Variants in ZC3H8 observed in about 807,000 individuals in gnomAD.
ZC3H8 encodes the protein zinc finger CCCH domain-containing protein 8.
Under a neutral mutation model 42.5 loss-of-function variants are expected in ZC3H8, and 27 were observed. That is an observed-to-expected ratio of 0.64 (90% CI 0.47 to 0.88). The LOEUF (loss-of-function observed/expected upper bound fraction) is 0.88. Ranked by LOEUF, ZC3H8 falls within the 40% of genes least tolerant of loss-of-function variation. ZC3H8 has a pLI of 0.00. For missense variants in ZC3H8, 277 were observed against 336.1 expected, an observed-to-expected ratio of 0.82 and a Z score of 1.37; for synonymous variants, 101 against 110.1, an observed-to-expected ratio of 0.92 and a Z score of 0.52.
At chr2:112,229,538 C>A (rs895509173) in intron 8 of ZC3H8, among the ~76,000 whole-genome samples, 1 of 152,158 alleles carries the variant, frequency 6.6e-6, no homozygotes, top group African/African-American at 2.4e-5. Context: ...ATGAGAAGAA[C>A]ATGCCCTAGC....
intron 2 of ZC3H8, among the ~76,000 whole-genome samples, chr2:112,248,995 G>C (rs1483569598): frequency 6.6e-6 from 1 of 152,054 alleles, no homozygotes; most frequent in Non-Finnish European, 1.5e-5. Flanking sequence ...AGGAGTTCGA[G>C]ACCAGCCTGG....
At chr2:112,226,951 T>C (rs562574602) in intron 8 of ZC3H8, among the ~76,000 whole-genome samples, 7 of 152,304 alleles carry the variant, frequency 4.6e-5, no homozygotes, top group South Asian at 4.1e-4. Flanking sequence ...AAAAATTATA[T>C]GGTCATCTCA....
At chr2:112,241,446 C>G (rs537062160) in intron 2 of ZC3H8, among the ~76,000 whole-genome samples, 23 of 152,264 alleles carry the variant, frequency 1.5e-4, no homozygotes, top group East Asian at 3.9e-4. Context: ...GAGACCCCCC[C>G]CTCAAGGGCC....
At chr2:112,243,943 A>C (rs1291772477) in intron 2 of ZC3H8, among the ~76,000 whole-genome samples, 2 of 152,094 alleles carry the variant, frequency 1.3e-5, no homozygotes, top group East Asian at 3.8e-4. Context: ...TATCAAAACA[A>C]GAATAAGATC....
At chr2:112,220,141 A>G (rs1684520868) in intron 8 of ZC3H8, among the ~76,000 whole-genome samples, 2 of 152,238 alleles carry the variant, frequency 1.3e-5, no homozygotes, top group African/African-American at 4.8e-5. Flanking sequence ...TGTGTAGCCT[A>G]TTTACATTCA....
At chr2:112,224,188 T>C (rs1372030718) in intron 8 of ZC3H8, among the ~76,000 whole-genome samples, 2 of 152,182 alleles carry the variant, frequency 1.3e-5, no homozygotes, top group African/African-American at 4.8e-5. Flanking sequence ...ATTTGAAAAC[T>C]TCACATTTAT....
At chr2:112,244,029 AAAAAAT>A (rs889401650) in intron 2 of ZC3H8, among the ~76,000 whole-genome samples, 4 of 151,600 alleles carry the variant, frequency 2.6e-5, no homozygotes, top group African/African-American at 9.7e-5. Context: ...GAAAAAAGAT[AAAAAAT>A]AAGAGATATG....
intron 8 of ZC3H8, among the ~76,000 whole-genome samples, chr2:112,224,232 G>C (rs1221486243): frequency 1.3e-5 from 2 of 152,082 alleles, no homozygotes; most frequent in Admixed American, 1.3e-4. Flanking sequence ...GGAACGTAAG[G>C]GTGGTTTAGT....
intron 8 of ZC3H8, among the ~76,000 whole-genome samples, chr2:112,225,382 G>T (rs1204655003): frequency 6.6e-6 from 1 of 152,256 alleles, no homozygotes; most frequent in East Asian, 1.9e-4. Flanking sequence ...GGAGGCTTAG[G>T]TAGAAGGATT....
At chr2:112,250,599 G>A (rs1280721426) in intron 1 of ZC3H8, among the ~76,000 whole-genome samples, 1 of 152,168 alleles carries the variant, frequency 6.6e-6, no homozygotes, top group African/African-American at 2.4e-5. Flanking sequence ...CGGGCCTTAG[G>A]CCCTGGACTA....
intron 2 of ZC3H8, among the ~76,000 whole-genome samples, chr2:112,240,689 T>A (rs1325248726): frequency 6.6e-6 from 1 of 152,190 alleles, no homozygotes; most frequent in Non-Finnish European, 1.5e-5. Context: ...TGTTTTATTA[T>A]ACAGTAGGGA....
chr2:112,254,821 C>A (rs2104674728), intron 1 of ZC3H8, 87 bp downstream of exon 1: 2 of 1,464,454 alleles, frequency 1.4e-6, no homozygotes, highest in African/African-American at 2.8e-5. Flanking sequence ...CCGGACGTGG[C>A]CCCGGACTGC....
chr2:112,222,592 G>A (rs1684636792), intron 8 of ZC3H8, among the ~76,000 whole-genome samples: 1 of 152,186 alleles, frequency 6.6e-6, no homozygotes, highest in South Asian at 2.1e-4. Context: ...AAAATCACAA[G>A]GGACAGAAAA....
chr2:112,236,591 A>C lies in ZC3H8; in HGVS notation c.475T>G (p.Leu159Val), dbSNP rs1685345469. ...PGPGNKGSNALLRNSGSQEED... is the reference protein window; with the variant it reads ...PGPGNKGSNAVLRNSGSQEED... ...TCCTGTGAGCCGCTGTTCCTCAGCA[A>C]AGCATTTGATCCTTTGTTTCCAGGG... Residue 159 changes from leucine to valine, a missense_variant, in exon 4 of 9, where the codon TTG becomes GTG. Transcript: ENST00000409573. 4 of 1,613,836 alleles carry C rather than the reference A, an allele frequency of 2.5e-6. No individual in the cohort carries two copies. The highest frequency in any genetic ancestry group is 2.7e-5 in the African/African-American group (2 of 74,928).
chr2:112,224,914 C>T (rs561766108), intron 8 of ZC3H8, among the ~76,000 whole-genome samples: 15 of 152,288 alleles, frequency 9.8e-5, no homozygotes, highest in African/African-American at 3.1e-4. Context: ...CATGGTTATA[C>T]ACATGTCAAA....
intron 1 of ZC3H8, among the ~76,000 whole-genome samples, chr2:112,254,374 T>C (rs1046478792): frequency 4.6e-5 from 7 of 152,264 alleles, no homozygotes; most frequent in Non-Finnish European, 8.8e-5. Context: ...TGTTGCTTTA[T>C]TGTGGTCTTT....
At chr2:112,241,667 A>G (rs750339882) in intron 2 of ZC3H8, among the ~76,000 whole-genome samples, 5 of 152,220 alleles carry the variant, frequency 3.3e-5, no homozygotes, top group Non-Finnish European at 5.9e-5. Context: ...ACTAACACAA[A>G]TCACAGATAT....
rs538304345 is a variant in ZC3H8 at position 112,212,569 on chromosome 2, T to C, written c.*3915A>G. 1.3e-5 allele frequency: 2 copies of C among 152,304 alleles called. No individual in the cohort carries two copies. Among genetic ancestry groups the C allele is most frequent in the Admixed American group, 1.3e-4 (2 of 15,302 alleles). The allele number at this position is 152,304 out of a possible 1,614,324, so 9.4% of individuals were successfully genotyped here. A position where few individuals can be genotyped will look rare whatever the true frequency, so the allele number is the denominator to read the frequency against. On this transcript the variant is annotated 3_prime_UTR_variant, in exon 9 of 9. Transcript: ENST00000409573. ...AATGGCTTCAACAATAATGAAAATATATTATTTCAGGTGGTATGACATGAA... is the reference window on the plus strand; with the variant it reads ...AATGGCTTCAACAATAATGAAAATACATTATTTCAGGTGGTATGACATGAA...
rs1050526380 is a variant in ZC3H8, at chr2:112,211,837, G to C, written c.*4647C>G. On this transcript the variant is annotated 3_prime_UTR_variant, in exon 9 of 9. Coordinates refer to ENST00000409573, the MANE Select transcript of ZC3H8 (RefSeq NM_032494.3). Reference sequence around the variant, plus strand: ...TAAATGAGTGTTACAAATTTCACAGGAATCAACAGCACTTTTAAGATGAGT... The same window carrying C: ...TAAATGAGTGTTACAAATTTCACAGCAATCAACAGCACTTTTAAGATGAGT... 6.6e-6 allele frequency: 1 copy of C among 151,968 alleles called. No homozygotes were observed. Among genetic ancestry groups the C allele is most frequent in the Non-Finnish European group, 1.5e-5 (1 of 67,996 alleles). The allele number at this position is 151,968 out of a possible 1,614,324, so 9.4% of individuals were successfully genotyped here.
Sources: allele counts gnomAD v4.1 joint callset (sites outside exome capture counted in the v4.1 genomes callset), GRCh38; gene constraint gnomAD v4.1.1; transcripts MANE v1.5; gene names NCBI Gene and HGNC (gene_info 2026-07-23, HGNC 2026-07-21).